Variants in LINGO2 observed in about 807,000 individuals in gnomAD.
LINGO2 encodes the protein leucine-rich repeat and immunoglobulin-like domain-containing nogo receptor-interacting protein 2.
In LINGO2, 14 loss-of-function variants were observed where a neutral mutation model predicts 30.6. That is an observed-to-expected ratio of 0.46 (90% CI 0.30 to 0.72). The LOEUF (loss-of-function observed/expected upper bound fraction) is 0.72, where lower values mean the gene tolerates loss of function less well. LINGO2 is among the 30% of genes least tolerant of loss of function. The probability of loss-of-function intolerance (pLI) is 0.07; values close to 1 mark genes in which losing one functional copy is unlikely to be tolerated. For synonymous variants in LINGO2, 317 were observed against 288.5 expected (o/e 1.10, Z -1.00); for missense variants, 729 against 751.7 (o/e 0.97, Z 0.35).
chr9:28,903,816 C>T, the LINGO2 span, among the ~76,000 whole-genome samples: 3 of 152,064 alleles, frequency 2.0e-5, no homozygotes, highest in Admixed American at 2.0e-4. Flanking sequence ...ACCAATCCTT[C>T]TCCAAATTTT....
At chr9:28,354,783 T>G (rs969398708) in intron 3 of LINGO2, among the ~76,000 whole-genome samples, 3 of 152,198 alleles carry the variant, frequency 2.0e-5, no homozygotes, top group African/African-American at 7.2e-5. Flanking sequence ...AAAACTCTTT[T>G]AATATAACTT....
At chr9:28,507,856 G>T (rs920697916) in intron 1 of LINGO2, among the ~76,000 whole-genome samples, 1 of 151,948 alleles carries the variant, frequency 6.6e-6, no homozygotes. Context: ...ACTAGCATAA[G>T]TAGGTTTTGA....
At chr9:28,910,199 C>T in the LINGO2 span, among the ~76,000 whole-genome samples, 2 of 151,970 alleles carry the variant, frequency 1.3e-5, no homozygotes, top group African/African-American at 2.4e-5. Flanking sequence ...ATACATTTAT[C>T]TCTTTTCTTA....
rs147000283 is a variant in LINGO2 at position 28,032,636 on chromosome 9, A to C, written c.-86-20231T>G. 1.9e-3 allele frequency among the ~76,000 whole-genome samples: 282 copies of C among 152,304 alleles called. 2 individuals carry two copies. Among genetic ancestry groups the C allele is most frequent in the Middle Eastern group, 0.014 (4 of 294 alleles). On this transcript the variant is annotated intron_variant, in intron 4 of 5. Coordinates refer to ENST00000379992, the Ensembl canonical transcript of LINGO2. The stretch of plus-strand genomic sequence containing the variant: ...TACAGATGAAAACACTGAGACCCAA[A>C]ATGTTCAAACATCCTGCCCATCGTC...
At chr9:28,570,274 G>A (rs915073177) in intron 1 of LINGO2, among the ~76,000 whole-genome samples, 50 of 151,852 alleles carry the variant, frequency 3.3e-4, no homozygotes, top group African/African-American at 1.0e-3. Context: ...TTTCTACCAC[G>A]TCACGGCTAT....
intron 4 of LINGO2, among the ~76,000 whole-genome samples, chr9:28,266,545 CAA>C (rs758788096): frequency 5.3e-5 from 8 of 151,990 alleles, no homozygotes; most frequent in Non-Finnish European, 1.2e-4. Context: ...AGAAAATTGA[CAA>C]GAGAAGAATT....
chr9:29,043,024 A>G, the LINGO2 span, among the ~76,000 whole-genome samples: 5 of 151,904 alleles, frequency 3.3e-5, no homozygotes, highest in African/African-American at 1.2e-4. Context: ...GAGAGGCCAC[A>G]TGGATCTCTC....
chr9:27,964,243 T>C (rs1476817458), intron 5 of LINGO2, among the ~76,000 whole-genome samples: 1 of 152,042 alleles, frequency 6.6e-6, no homozygotes, highest in East Asian at 1.9e-4. Flanking sequence ...TGTTATATAT[T>C]ATAACATATT....
At chr9:29,170,246 T>C in the LINGO2 span, among the ~76,000 whole-genome samples, 2 of 152,134 alleles carry the variant, frequency 1.3e-5, no homozygotes, top group African/African-American at 4.8e-5. Context: ...TATATATACA[T>C]ACCATGGAAT....
chr9:28,174,416 C>G (rs1171816926), intron 4 of LINGO2, among the ~76,000 whole-genome samples: 1 of 152,058 alleles, frequency 6.6e-6, no homozygotes, highest in African/African-American at 2.4e-5. Context: ...TTCTTTCCTC[C>G]TCTCTCTTTT....
intron 4 of LINGO2, among the ~76,000 whole-genome samples, chr9:28,281,233 A>T (rs992347994): frequency 3.9e-5 from 6 of 152,192 alleles, no homozygotes; most frequent in South Asian, 4.1e-4. Context: ...TTATTTTTTT[A>T]AAAATTAATA....
chr9:28,463,183 C>T (rs1825153709), intron 2 of LINGO2, among the ~76,000 whole-genome samples: 1 of 151,658 alleles, frequency 6.6e-6, no homozygotes, highest in African/African-American at 2.4e-5. Context: ...TTATTGGTAT[C>T]TATAATTCTT....
intron 1 of LINGO2, among the ~76,000 whole-genome samples, chr9:28,482,915 C>T (rs1210453852): frequency 6.6e-6 from 1 of 151,984 alleles, no homozygotes; most frequent in Non-Finnish European, 1.5e-5. Flanking sequence ...TAGGCATTAC[C>T]ATTCAGGACA....
chr9:28,497,441 T>C (rs1819680449), intron 1 of LINGO2, among the ~76,000 whole-genome samples: 2 of 152,336 alleles, frequency 1.3e-5, no homozygotes, highest in Non-Finnish European at 1.5e-5. Flanking sequence ...TTTCTTCCAG[T>C]TGATCGAATC....
chr9:29,030,950 T>G, the LINGO2 span, among the ~76,000 whole-genome samples: 1 of 152,218 alleles, frequency 6.6e-6, no homozygotes, highest in African/African-American at 2.4e-5. Flanking sequence ...ATCAACCAGT[T>G]AGCAGCCATG....
chr9:28,728,866 C>A, the LINGO2 span, among the ~76,000 whole-genome samples: 1,517 of 152,244 alleles, frequency 1.0e-2, 28 homozygotes, highest in African/African-American at 0.035. Flanking sequence ...CCAAGAACGT[C>A]TGGACCTGGA....
the LINGO2 span, among the ~76,000 whole-genome samples, chr9:28,991,986 T>C: frequency 1.3e-5 from 2 of 152,156 alleles, no homozygotes; most frequent in Admixed American, 1.3e-4. Flanking sequence ...GCTAACATCA[T>C]AATGACAGAA....
chr9:28,023,571 T>C (rs1823237613), intron 4 of LINGO2, among the ~76,000 whole-genome samples: 1 of 152,190 alleles, frequency 6.6e-6, no homozygotes, highest in African/African-American at 2.4e-5. Context: ...GTTATGACCT[T>C]ACAAGTTTTC....
intron 2 of LINGO2, among the ~76,000 whole-genome samples, chr9:28,432,485 A>G (rs562014847): frequency 2.6e-4 from 40 of 152,124 alleles, no homozygotes; most frequent in African/African-American, 9.1e-4. Context: ...AAAAATCAAA[A>G]GGCAAAACTT....
Sources: gnomAD v4.1 joint callset for allele counts (sites outside exome capture counted in the v4.1 genomes callset) on GRCh38, gnomAD v4.1.1 for gene constraint, MANE v1.5 for transcripts, NCBI Gene and HGNC (gene_info 2026-07-23, HGNC 2026-07-21) for gene names.